Variants in STAG1 observed in about 807,000 individuals in gnomAD.
STAG1 encodes the protein cohesin subunit SA-1.
In STAG1, 26 loss-of-function variants were observed where a neutral mutation model predicts 170.9. The observed-to-expected ratio is 0.15, with a 90% CI of 0.11 to 0.21. The LOEUF (loss-of-function observed/expected upper bound fraction) is 0.21. STAG1 is among the 10% of genes least tolerant of loss of function. The probability of loss-of-function intolerance (pLI) is 1.00; values close to 1 mark genes in which losing one functional copy is unlikely to be tolerated. For missense variants in STAG1, 964 were observed against 1,509.5 expected (o/e 0.64, Z 5.99); for synonymous variants, 514 against 497.7 (o/e 1.03, Z -0.44).
Position 136,674,162 on chromosome 3 carries a change from G to A in STAG1, c.-83-43181C>T, listed in dbSNP as rs71336073. Among the ~76,000 whole-genome samples, 322 of 33,116 alleles carry A rather than the reference G, an allele frequency of 9.7e-3. 1 individual carries two copies. The highest frequency in any genetic ancestry group is 0.019 in the Non-Finnish European group (247 of 12,802). The allele number at this position is 33,116 out of a possible 152,430, so 21.7% of individuals were successfully genotyped here. On this transcript the variant is annotated intron_variant, in intron 1 of 33. Coordinates refer to ENST00000383202, the MANE Select transcript of STAG1 (RefSeq NM_005862.3). ...AGGAAGGAGGGAGGGAGAGAGGGAG[G>A]GAGGGAGGGAAGGAGGGAGGGAGGG...
intron 4 of STAG1, chr3:136,586,750 C>A: frequency 2.3e-6 from 1 of 436,464 alleles, no homozygotes. Flanking sequence ...AATCTGTATG[C>A]ACTAACATGG....
chr3:136,487,030 A>G (rs985264663), intron 9 of STAG1, among the ~76,000 whole-genome samples: 2 of 110,474 alleles, frequency 1.8e-5, no homozygotes, highest in Admixed American at 2.0e-4. Flanking sequence ...AAAAAAAAAA[A>G]GCAGATACAA....
chr3:136,512,971 A>T (rs149940060), intron 7 of STAG1, among the ~76,000 whole-genome samples: 48 of 152,346 alleles, frequency 3.2e-4, no homozygotes, highest in African/African-American at 1.0e-3. Flanking sequence ...AAAGGTTAGG[A>T]CTGACAGCAG....
At chr3:136,396,851 A>G (rs1330897440) in intron 22 of STAG1, among the ~76,000 whole-genome samples, 1 of 152,174 alleles carries the variant, frequency 6.6e-6, no homozygotes, top group Admixed American at 6.6e-5. Context: ...AGTGGCTTTC[A>G]TTACTAATAA....
intron 1 of STAG1, among the ~76,000 whole-genome samples, chr3:136,677,109 G>A (rs1245202689): frequency 6.6e-6 from 1 of 152,032 alleles, no homozygotes; most frequent in Non-Finnish European, 1.5e-5. Context: ...TTATAAGTAG[G>A]AGTACACTCT....
chr3:136,463,754 T>TGC (rs2089347170), intron 13 of STAG1, among the ~76,000 whole-genome samples: 1 of 84,210 alleles, frequency 1.2e-5, no homozygotes, highest in Admixed American at 1.4e-4. Context: ...TGTGTGTGTG[T>TGC]GTGTGTGTGT....
chr3:136,496,805 G>C (rs1301866600), intron 9 of STAG1, among the ~76,000 whole-genome samples: 1 of 151,326 alleles, frequency 6.6e-6, no homozygotes, highest in Non-Finnish European at 1.5e-5. Flanking sequence ...CAATGAAATA[G>C]AAAACAAAAA....
At chr3:136,579,121 CTATAATA>C (rs1559889352) in intron 4 of STAG1, among the ~76,000 whole-genome samples, 2 of 152,168 alleles carry the variant, frequency 1.3e-5, no homozygotes, top group African/African-American at 4.8e-5. Context: ...TGACTATGGA[CTATAATA>C]AACTTAACTA....
intron 4 of STAG1, among the ~76,000 whole-genome samples, chr3:136,575,591 G>A (rs1365904658): frequency 6.7e-6 from 1 of 149,998 alleles, no homozygotes; most frequent in Non-Finnish European, 1.5e-5. Flanking sequence ...TAACAGAAAG[G>A]CTATTTCTGA....
intron 29 of STAG1, among the ~76,000 whole-genome samples, chr3:136,347,631 G>A (rs1186238532): frequency 6.6e-6 from 1 of 151,970 alleles, no homozygotes; most frequent in South Asian, 2.1e-4. Flanking sequence ...TAGATGCTTT[G>A]AGCTGGAGCT....
intron 6 of STAG1, among the ~76,000 whole-genome samples, chr3:136,529,124 A>G (rs1364971693): frequency 3.3e-5 from 5 of 152,158 alleles, no homozygotes; most frequent in Non-Finnish European, 7.3e-5. Flanking sequence ...CCAGACAAAA[A>G]TAAAGAAAAA....
intron 29 of STAG1, among the ~76,000 whole-genome samples, chr3:136,348,178 T>G (rs1298747927): frequency 2.0e-5 from 3 of 152,150 alleles, no homozygotes; most frequent in Non-Finnish European, 4.4e-5. Context: ...TGGAGAAAAT[T>G]TATTAGAAGC....
Position 136,713,259 on chromosome 3 carries a change from A to C in STAG1, c.-84+38936T>G, listed in dbSNP as rs1214806490. Among the ~76,000 whole-genome samples the C allele has an allele frequency of 1.2e-4, 19 of 152,244 alleles. No homozygotes were observed. The East Asian group carries it at 3.7e-3, about 30-fold the overall frequency. On this transcript the variant is annotated intron_variant, in intron 1 of 33. Transcript: ENST00000383202. ...CCCACAACATGGATGAATCTCACAA[A>C]CAATGCTGAGCCAAGGAAGCAAGAC...
intron 7 of STAG1, among the ~76,000 whole-genome samples, chr3:136,515,740 A>C (rs1232949942): frequency 6.6e-6 from 1 of 152,248 alleles, no homozygotes; most frequent in Non-Finnish European, 1.5e-5. Flanking sequence ...AAGTTATTAT[A>C]GACCTAAATA....
At chr3:136,485,547 T>C (rs934496180) in intron 9 of STAG1, among the ~76,000 whole-genome samples, 4 of 152,194 alleles carry the variant, frequency 2.6e-5, no homozygotes, top group Non-Finnish European at 5.9e-5. Context: ...ATATTTCTTT[T>C]TTCAGACAAA....
intron 16 of STAG1, among the ~76,000 whole-genome samples, chr3:136,427,898 C>T (rs999915535): frequency 2.0e-5 from 3 of 152,012 alleles, no homozygotes; most frequent in Non-Finnish European, 2.9e-5. Flanking sequence ...TTAAAGCCAG[C>T]AAAGGATAGT....
At chr3:136,601,051 G>C (rs1448183716) in intron 4 of STAG1, among the ~76,000 whole-genome samples, 1 of 151,880 alleles carries the variant, frequency 6.6e-6, no homozygotes, top group Non-Finnish European at 1.5e-5. Context: ...AGTAGAGACA[G>C]GGTTTCACCA....
intron 7 of STAG1, chr3:136,518,404 C>T: frequency 1.4e-6 from 1 of 699,860 alleles, no homozygotes; most frequent in Non-Finnish European, 2.6e-6. Context: ...TATCTAGTCC[C>T]CAAGACTTGT....
intron 15 of STAG1, 85 bp from the exon 16 acceptor site, chr3:136,433,744 GA>G (rs2088377175): frequency 1.1e-6 from 1 of 902,160 alleles, no homozygotes; most frequent in African/African-American, 1.7e-5. Context: ...TAAAAAAACT[GA>G]AAACATTCTA....
Sources: gnomAD v4.1 joint callset for allele counts (sites outside exome capture counted in the v4.1 genomes callset) on GRCh38, gnomAD v4.1.1 for gene constraint, MANE v1.5 for transcripts, NCBI Gene and HGNC (gene_info 2026-07-23, HGNC 2026-07-21) for gene names.